ACSL4: variants seen among roughly 807,000 people sequenced by gnomAD.
ACSL4 encodes acyl-CoA synthetase long chain family member 4.
In ACSL4, 9 loss-of-function variants were observed where a neutral mutation model predicts 49.1. That is an observed-to-expected ratio of 0.18 (90% CI 0.11 to 0.32). The LOEUF is 0.32. Among genes scored for constraint, ACSL4 ranks in the 10% least tolerant of loss-of-function variants. ACSL4 has a pLI of 1.00. For synonymous variants in ACSL4, 191 were observed against 170.3 expected, an observed-to-expected ratio of 1.12 and a Z score of -0.95; for missense variants, 333 against 493.7, an observed-to-expected ratio of 0.67 and a Z score of 3.08.
intron 11 of ACSL4, among the ~76,000 whole-genome samples, chrX:109,666,675 G>C (rs1424543746): frequency 8.9e-6 from 1 of 111,903 alleles, no homozygotes; most frequent in African/African-American, 3.3e-5. Flanking sequence ...AATACTCTGG[G>C]AAGCTGAGGT....
Position 109,647,382 on chromosome X carries a change from G to C in ACSL4, c.1856-3196C>G, listed in dbSNP as rs750353118. 3.6e-3 allele frequency among the ~76,000 whole-genome samples: 400 copies of C among 111,518 alleles called. 1 individual carries two copies. The highest frequency in any genetic ancestry group is 0.011 in the African/African-American group (331 of 30,701). ...GGATTAAGAATCTCACTCAAAACCG[G>C]TCAACTACATGGAAACTGAACAACC... is the stretch of plus-strand genomic sequence containing the variant. On this transcript the variant is annotated intron_variant, in intron 15 of 15. Coordinates refer to ENST00000672401, the MANE Select transcript of ACSL4 (RefSeq NM_001318510.2).
At chrX:109,680,200 T>C (rs1924053944) in intron 6 of ACSL4, among the ~76,000 whole-genome samples, 1 of 111,635 alleles carries the variant, frequency 9.0e-6, no homozygotes, top group Admixed American at 9.5e-5. Flanking sequence ...CAAAAGTCTA[T>C]GGCACCAGGA....
intron 6 of ACSL4, among the ~76,000 whole-genome samples, chrX:109,679,341 G>T (rs962604822): frequency 1.8e-5 from 2 of 111,643 alleles, no homozygotes; most frequent in African/African-American, 3.2e-5. Context: ...TACCAAAATG[G>T]CTAAGAAGCC....
intron 1 of ACSL4, among the ~76,000 whole-genome samples, chrX:109,704,054 T>C (rs1002205467): frequency 4.5e-5 from 5 of 111,453 alleles, no homozygotes; most frequent in African/African-American, 1.6e-4. Context: ...TTCTGGGTCA[T>C]TTTCCCACTT....
chrX:109,674,597 C>G lies in ACSL4; in HGVS notation c.931-124G>C, dbSNP rs187572765. ...TGAGCTTTTATTGCTCTGTGATTAT[C>G]TGTTAACAACTATCATAACCTACAA... On this transcript the variant is annotated intron_variant, in intron 8 of 15. Transcript: ENST00000672401. The G allele has an allele frequency of 2.0e-4, 102 of 506,225 alleles. 1 individual carries two copies. The Admixed American group carries it at 2.1e-3, about 10-fold the overall frequency. The allele number at this position is 506,225 out of a possible 1,213,427, so 41.7% of individuals were successfully genotyped here.
chrX:109,724,090 C>A (rs1342901647), intron 1 of ACSL4, among the ~76,000 whole-genome samples: 1 of 111,564 alleles, frequency 9.0e-6, no homozygotes, highest in East Asian at 2.8e-4. Context: ...GCAGTAGAAA[C>A]CCTTTTATCT....
chrX:109,696,387 A>G (rs1407107744), intron 1 of ACSL4, among the ~76,000 whole-genome samples, 191 bp from the exon 2 acceptor site: 3 of 112,492 alleles, frequency 2.7e-5, no homozygotes, highest in Non-Finnish European at 3.8e-5. Flanking sequence ...AAAGTAACTG[A>G]GCCAGAATCT....
chrX:109,707,253 A>T (rs1926419084), intron 1 of ACSL4, among the ~76,000 whole-genome samples: 2 of 111,991 alleles, frequency 1.8e-5, no homozygotes, highest in Admixed American at 9.5e-5. Flanking sequence ...ACTTTTATTT[A>T]CTAAAACAGA....
At position 109,727,384 on chromosome X, in the gene ACSL4, A is replaced by G. The variant is rs745872407; in HGVS notation, c.-66+5755T>C. ...TGCCTGGCTCTCTTATTACCGCTAC[A>G]GCTCACAACAGGGTCTCCAAAAGAC... On this transcript the variant is annotated intron_variant, in intron 1 of 15. Transcript: ENST00000672401. Among the ~76,000 whole-genome samples, 14 of 111,902 alleles carry G rather than the reference A, an allele frequency of 1.3e-4. 3 individuals are homozygous for G. The South Asian group carries it at 1.5e-3, about 12-fold the overall frequency.
At chrX:109,669,396 T>A (rs1314598298) in intron 9 of ACSL4, among the ~76,000 whole-genome samples, 2 of 28,774 alleles carry the variant, frequency 7.0e-5, no homozygotes, top group African/African-American at 8.5e-4. Context: ...TAATCTAAAT[T>A]TTTTTTTTTT....
chrX:109,719,264 A>C (rs191052199), intron 1 of ACSL4, among the ~76,000 whole-genome samples: 1 of 111,612 alleles, frequency 9.0e-6, no homozygotes, highest in African/African-American at 3.3e-5. Flanking sequence ...AATGGCATAG[A>C]TGCAGGGTAC....
chrX:109,660,814 G>A (rs996659765), intron 14 of ACSL4, among the ~76,000 whole-genome samples: 6 of 111,389 alleles, frequency 5.4e-5, no homozygotes, highest in Non-Finnish European at 9.5e-5. Context: ...TTATACTAAG[G>A]GAATTAAGCC....
rs755004249 is a variant in ACSL4, at chrX:109,644,128, G to T, written c.1914C>A (p.Thr638=). ...IKVRLSPEPW[T]PETGLVTDAF... ...CATCAGTTACCAAACCAGTTTCAGG[G>T]GTCCATGGCTCTGGGCTTAATCGAA... Residue 638 remains threonine (T), a synonymous_variant, in exon 16 of 16, where the codon ACC becomes ACA. Coordinates refer to ENST00000672401, the MANE Select transcript of ACSL4 (RefSeq NM_001318510.2). 69 of 1,207,692 alleles carry T rather than the reference G, an allele frequency of 5.7e-5. No homozygotes were observed. The highest frequency in any genetic ancestry group is 2.3e-4 in the Middle Eastern group (1 of 4,369).
In ACSL4 at chrX:109,641,605, G is replaced by A. The variant is rs1934447203; in HGVS notation, c.*2424C>T. On this transcript the variant is annotated 3_prime_UTR_variant, in exon 16 of 16. Transcript: ENST00000672401. ...GTCATATGCTATCAGGAAAATATAG[G>A]CAAGACTTACTAATCAGTTATTCAT... 8.9e-6 allele frequency: 1 copy of A among 112,212 alleles called. No homozygotes were observed. The highest frequency in any genetic ancestry group is 3.2e-5 in the African/African-American group (1 of 30,920). The allele number at this position is 112,212 out of a possible 1,213,427, so 9.2% of individuals were successfully genotyped here. A position where few individuals can be genotyped will look rare whatever the true frequency, so the allele number is the denominator to read the frequency against.
intron 1 of ACSL4, among the ~76,000 whole-genome samples, chrX:109,728,485 T>C (rs1928178596): frequency 8.9e-6 from 1 of 112,850 alleles, no homozygotes; most frequent in Non-Finnish European, 1.9e-5. Flanking sequence ...TAGCATATCA[T>C]GCGTCTATTT....
At chrX:109,650,146 A>G (rs1218133167) in intron 15 of ACSL4, among the ~76,000 whole-genome samples, 10 of 111,623 alleles carry the variant, frequency 9.0e-5, no homozygotes, top group Non-Finnish European at 1.5e-4. Context: ...AGAACTAGAA[A>G]TACCATTTGA....
intron 15 of ACSL4, among the ~76,000 whole-genome samples, chrX:109,650,420 C>T (rs1359640482): frequency 3.8e-5 from 4 of 104,254 alleles, no homozygotes; most frequent in Non-Finnish European, 7.8e-5. Flanking sequence ...AGTAAACTAT[C>T]GCAAGAACAA....
At chrX:109,682,202 T>TTTA (rs1368514010) in intron 4 of ACSL4, among the ~76,000 whole-genome samples, 1 of 111,953 alleles carries the variant, frequency 8.9e-6, no homozygotes, top group East Asian at 2.8e-4. Context: ...CAATACATTG[T>TTTA]TTATTTCTTA....
At chrX:109,705,418 T>A (rs934325310) in intron 1 of ACSL4, among the ~76,000 whole-genome samples, 5 of 112,145 alleles carry the variant, frequency 4.5e-5, no homozygotes, top group Non-Finnish European at 9.4e-5. Flanking sequence ...AAATGGAAGA[T>A]GCTCAAAGAC....
Sources: allele counts gnomAD v4.1 joint callset (sites outside exome capture counted in the v4.1 genomes callset), GRCh38; gene constraint gnomAD v4.1.1; transcripts MANE v1.5; gene names NCBI Gene and HGNC (gene_info 2026-07-23, HGNC 2026-07-21).